Variants in R3HCC1 observed in about 807,000 individuals in gnomAD.
R3HCC1 encodes R3H and coiled-coil domain-containing protein 1.
R3HCC1 carries 32 observed loss-of-function variants against 40.0 expected under a neutral mutation model. The observed-to-expected ratio is 0.80, with a 90% CI of 0.60 to 1.07. The LOEUF is 1.07. Among genes scored for constraint, R3HCC1 ranks in the 50% least tolerant of loss-of-function variants. The pLI is 0.00. For synonymous variants in R3HCC1, 237 were observed against 232.8 expected, an observed-to-expected ratio of 1.02 and a Z score of -0.17; for missense variants, 586 against 563.3, an observed-to-expected ratio of 1.04 and a Z score of -0.41.
At chr8:23,289,229 G>A (rs944643169) in intron 3 of R3HCC1, 76 bp downstream of exon 3, 1 of 1,485,826 alleles carries the variant, frequency 6.7e-7, no homozygotes, top group Non-Finnish European at 9.0e-7. Flanking sequence ...CCTTTGGAAG[G>A]GCAGGGCTGG....
chr8:23,292,475 G>T (rs368364320), intron 5 of R3HCC1, among the ~76,000 whole-genome samples: 2 of 152,140 alleles, frequency 1.3e-5, no homozygotes, highest in Non-Finnish European at 2.9e-5. Flanking sequence ...TTAGCTGGGC[G>T]TGGTGGCAGG....
At chr8:23,288,201 G>T in intron 1 of R3HCC1, 44 bp downstream of exon 1, 1 of 1,205,760 alleles carries the variant, frequency 8.3e-7, no homozygotes. Flanking sequence ...CGACCCCCGG[G>T]CTCCCGGGTG....
chr8:23,293,607 C>G lies in R3HCC1; in HGVS notation c.1096+234C>G, dbSNP rs549231433. 2.6e-5 allele frequency among the ~76,000 whole-genome samples: 4 copies of G among 152,300 alleles called. 1 individual carries two copies. In the South Asian group the frequency reaches 6.2e-4, roughly 24 times the overall value. ...TGTGTTAGTGCTTTCAATGAAAAGG[C>G]ATCAGATTCAGGCGACCTTTGCTGA... On this transcript the variant is annotated intron_variant, in intron 6 of 7. Transcript: ENST00000265806.
At chr8:23,295,197 C>T (rs867438313) in intron 7 of R3HCC1, among the ~76,000 whole-genome samples, 5 of 152,244 alleles carry the variant, frequency 3.3e-5, no homozygotes, top group East Asian at 3.9e-4. Context: ...CCCTGGAAAC[C>T]GTATCCCATA....
Position 23,289,104 on chromosome 8 carries a change from G to T in R3HCC1, c.199G>T (p.Val67Phe). 6.5e-7 allele frequency: 1 copy of T among 1,536,410 alleles called. No homozygotes were observed. Among genetic ancestry groups the T allele is most frequent in the East Asian group, 2.4e-5 (1 of 40,914 alleles). The stretch of plus-strand genomic sequence containing the variant: ...TTTTGATCTCTTGAGCAGCTTCTCC[G>T]TTGGGGAGGGCTGGAAGAGGAGGAC... Residue 67 changes from valine (V) to phenylalanine (F), a missense_variant, in exon 3 of 8, where the codon GTT becomes TTT. Val to Phe is a conservative substitution (Grantham distance 50). Transcript: ENST00000265806.
Position 23,291,482 on chromosome 8 carries a change from T to C in R3HCC1, c.974T>C (p.Phe325Ser). The C allele has an allele frequency of 1.3e-6, 2 of 1,551,532 alleles. No homozygotes were observed. Among genetic ancestry groups the C allele is most frequent in the South Asian group, 1.2e-5 (1 of 84,046 alleles). The change falls in exon 5 of 8, where the codon TTT becomes TCT. Residue 325 changes from phenylalanine (F) to serine (S), a missense_variant. Transcript: ENST00000265806. ...GCCCACGTGGTAGAGATCTATGACT[T>C]TGAACCAGCGCTCAAGACGGAGGAC...
intron 3 of R3HCC1, among the ~76,000 whole-genome samples, chr8:23,289,402 A>T (rs772001342): frequency 6.6e-6 from 1 of 152,214 alleles, no homozygotes; most frequent in Non-Finnish European, 1.5e-5. Flanking sequence ...GATCTGTTTA[A>T]GTAGTGGGTG....
chr8:23,291,306 G>A, intron 4 of R3HCC1, 55 bp from the exon 5 acceptor site: 1 of 1,527,030 alleles, frequency 6.5e-7, no homozygotes, highest in Admixed American at 2.0e-5. Flanking sequence ...TGGGCTAGTG[G>A]TTTGGGAGCT....
At chr8:23,288,685 C>A in intron 2 of R3HCC1, 52 bp downstream of exon 2, 1 of 1,525,180 alleles carries the variant, frequency 6.6e-7, no homozygotes, top group South Asian at 1.2e-5. Flanking sequence ...GGGCAGGGTT[C>A]CCGAGCCGCC....
chr8:23,294,909 G>C, intron 7 of R3HCC1, 45 bp downstream of exon 7: 1 of 1,364,500 alleles, frequency 7.3e-7, no homozygotes, highest in Non-Finnish European at 1.0e-6. Flanking sequence ...GTGTGTGTGT[G>C]TGTGCGTGCG....
In R3HCC1 at chr8:23,294,757, T is replaced by C. The variant is rs1802953241; in HGVS notation, c.1097-12T>C. 6.5e-7 allele frequency: 1 copy of C among 1,549,818 alleles called. No homozygotes were observed. Among genetic ancestry groups the C allele is most frequent in the Non-Finnish European group, 8.7e-7 (1 of 1,146,174 alleles). ...AGGAGGGAGTGGCTCCACGCCTGCT[T>C]TCTTTCCACAGCTGCGGAAGCCCTG... On this transcript the variant is annotated splice_polypyrimidine_tract_variant and intron_variant, in intron 6 of 7. Transcript: ENST00000265806.
rs745535522 is a variant in R3HCC1 at position 23,289,027 on chromosome 8, T to TC, written c.128dup (p.Leu44ThrfsTer11). The TC allele has an allele frequency of 5.2e-6, 8 of 1,536,390 alleles. No homozygotes were observed. Among genetic ancestry groups the TC allele is most frequent in the Admixed American group, 2.0e-5 (1 of 50,994 alleles). ...CCCTCCCTCCCCAGGGTTCTTCTTT[T>TC]CCCCCCACTCTCCAGTCGCCTCCGG... is the stretch of plus-strand genomic sequence containing the variant. On this transcript the variant is annotated frameshift_variant, in exon 3 of 8. Transcript: ENST00000265806. LOFTEE classifies it high-confidence loss of function.
rs199657405 is a variant in R3HCC1 at position 23,294,179 on chromosome 8, A to AG, written c.1097-587dup. Among the ~76,000 whole-genome samples, 100 of 152,202 alleles carry AG rather than the reference A, an allele frequency of 6.6e-4. No homozygotes were observed. In the East Asian group the frequency reaches 0.016, roughly 24 times the overall value. On this transcript the variant is annotated intron_variant, in intron 6 of 7. Coordinates refer to ENST00000265806, the MANE Select transcript of R3HCC1 (RefSeq NM_001136108.3). ...GGAGATTGTGGAAAGGAAGGCAGGG[A>AG]GGGAGGCCAAGAGGCTGCCCTGTGC...
chr8:23,293,316 A>C lies in R3HCC1; in HGVS notation c.1039A>C (p.Arg347=). The change falls in exon 6 of 8, where the codon AGG becomes CGG. Residue 347 remains arginine, a synonymous_variant. Transcript: ENST00000265806. ...CTCGCCGCACAGAGAGAAGGGGTTCAGGATTCAGTGGGTGGATGATACTCA... is the reference window on the plus strand; with the variant it reads ...CTCGCCGCACAGAGAGAAGGGGTTCCGGATTCAGTGGGTGGATGATACTCA... The C allele has an allele frequency of 6.4e-7, 1 of 1,551,428 alleles. No individual in the cohort carries two copies. The highest frequency in any genetic ancestry group is 8.7e-7 in the Non-Finnish European group (1 of 1,146,900).
Position 23,294,801 on chromosome 8 carries a change from C to T in R3HCC1, c.1129C>T (p.Leu377Phe). 1 of 1,551,396 alleles carries T rather than the reference C, an allele frequency of 6.4e-7. No homozygotes were observed. The highest frequency in any genetic ancestry group is 8.7e-7 in the Non-Finnish European group (1 of 1,146,940). The change falls in exon 7 of 8, where the codon CTC (leucine) becomes TTC (phenylalanine). Residue 377 changes from leucine to phenylalanine, a missense_variant. Physicochemically the swap from Leu to Phe is conservative, Grantham distance 22 (BLOSUM62 0). Coordinates refer to ENST00000265806, the MANE Select transcript of R3HCC1 (RefSeq NM_001136108.3). Reference sequence around the variant, plus strand: ...AGCCCTGACCCGGGAGTTCTCGGTGCTCAAGATCCGGCCCCTCACACAGGG... The same window carrying T: ...AGCCCTGACCCGGGAGTTCTCGGTGTTCAAGATCCGGCCCCTCACACAGGG...
In R3HCC1 at chr8:23,295,855, A is replaced by C. The variant is rs1585336790; in HGVS notation, c.1193-112A>C. 13 of 1,372,490 alleles carry C rather than the reference A, an allele frequency of 9.5e-6. No homozygotes were observed. In the East Asian group the frequency reaches 3.3e-4, roughly 35 times the overall value. The allele number at this position is 1,372,490 out of a possible 1,614,324, so 85.0% of individuals were successfully genotyped here. On this transcript the variant is annotated intron_variant, in intron 7 of 7. Transcript: ENST00000265806. The stretch of plus-strand genomic sequence containing the variant: ...ACGGGCACAGCTGGGCCGAGGCCCC[A>C]CATGTGTCACATGAGAGGCTGGCTC...
At chr8:23,295,830 A>T (rs979213940) in intron 7 of R3HCC1, 137 bp from the exon 8 acceptor site, 204 of 1,276,832 alleles carry the variant, frequency 1.6e-4, no homozygotes, top group Middle Eastern at 2.1e-4. Flanking sequence ...CGGCCACACC[A>T]CGGGCACAGC....
intron 7 of R3HCC1, chr8:23,295,496 G>GGAAA (rs1802987950): frequency 2.2e-6 from 1 of 458,214 alleles, no homozygotes; most frequent in African/African-American, 2.0e-5. Flanking sequence ...AGTTTTCCAT[G>GGAAA]ACTTCAAAGT....
intron 4 of R3HCC1, 195 bp from the exon 5 acceptor site, chr8:23,291,166 A>G: frequency 1.7e-6 from 1 of 595,988 alleles, no homozygotes; most frequent in Non-Finnish European, 2.8e-6. Context: ...TGGGGACTCC[A>G]TACAAGTAAG....
Sources: allele counts gnomAD v4.1 joint callset (sites outside exome capture counted in the v4.1 genomes callset), GRCh38; gene constraint gnomAD v4.1.1; transcripts MANE v1.5; gene names NCBI Gene and HGNC (gene_info 2026-07-23, HGNC 2026-07-21).